The following OTUD7A variants were observed in gnomAD, a reference collection of about 807,000 sequenced individuals.
OTUD7A encodes the protein OTU domain-containing protein 7A.
In OTUD7A, 12 loss-of-function variants were observed where a neutral mutation model predicts 65.7. The ratio of observed to expected loss-of-function variants is 0.18; its 90% confidence interval spans 0.12 to 0.30. OTUD7A has a LOEUF of 0.30. OTUD7A is among the 10% of genes least tolerant of loss of function. OTUD7A has a pLI of 1.00. For synonymous variants in OTUD7A, 641 were observed against 586.3 expected (o/e 1.09, Z -1.35); for missense variants, 1,148 against 1,304.8 (o/e 0.88, Z 1.85).
Position 31,721,952 on chromosome 15 carries a change from T to C in OTUD7A, c.-99-64875A>G, listed in dbSNP as rs1446322410. Among the ~76,000 whole-genome samples the C allele has an allele frequency of 8.5e-5, 13 of 152,194 alleles. No individual in the cohort carries two copies. The East Asian group carries it at 2.5e-3, about 29-fold the overall frequency. ...CATCTGGCTCGAAGTCGGTGCTCAA[T>C]AAAACTCTGCTGCCTGCCTGCCTGA... On this transcript the variant is annotated intron_variant, in intron 1 of 12. Coordinates refer to ENST00000307050, the MANE Select transcript of OTUD7A (RefSeq NM_001382637.1).
intron 4 of OTUD7A, among the ~76,000 whole-genome samples, chr15:31,559,958 C>A (rs1287872432): frequency 6.6e-6 from 1 of 152,212 alleles, no homozygotes; most frequent in African/African-American, 2.4e-5. Flanking sequence ...GTATGTGGCA[C>A]TTATTCACAA....
chr15:31,623,742 G>T (rs1218740681), intron 3 of OTUD7A, among the ~76,000 whole-genome samples: 1 of 152,178 alleles, frequency 6.6e-6, no homozygotes, highest in Admixed American at 6.5e-5. Flanking sequence ...CCATGCTTCG[G>T]CTCATGCTCG....
chr15:31,647,257 T>C (rs1891703889), intron 3 of OTUD7A, among the ~76,000 whole-genome samples: 1 of 152,192 alleles, frequency 6.6e-6, no homozygotes, highest in Non-Finnish European at 1.5e-5. Context: ...TTTGTTCCCA[T>C]TCAAGGGTGT....
At chr15:31,869,120 A>T (rs1045265510) in intron 1 of OTUD7A, among the ~76,000 whole-genome samples, 2 of 152,260 alleles carry the variant, frequency 1.3e-5, no homozygotes, top group Non-Finnish European at 2.9e-5. Context: ...TTTTGTTCCC[A>T]TAAGAATTGG....
chr15:31,630,811 T>C (rs1891122931), intron 3 of OTUD7A, among the ~76,000 whole-genome samples: 1 of 152,282 alleles, frequency 6.6e-6, no homozygotes, highest in Non-Finnish European at 1.5e-5. Context: ...TTAGCTCTTC[T>C]TGTTGAATTG....
intron 8 of OTUD7A, among the ~76,000 whole-genome samples, chr15:31,509,639 TTA>T (rs1232351299): frequency 2.6e-5 from 4 of 152,126 alleles, no homozygotes; most frequent in African/African-American, 2.4e-5. Flanking sequence ...ATTCATATTT[TTA>T]TGTCTTTTTG....
intron 8 of OTUD7A, among the ~76,000 whole-genome samples, chr15:31,522,729 C>G (rs914692109): frequency 8.5e-5 from 13 of 152,156 alleles, no homozygotes; most frequent in Admixed American, 7.2e-4. Flanking sequence ...GGTTCTTCCA[C>G]GTGGCCGGGG....
chr15:31,862,621 G>A (rs1258750676), intron 1 of OTUD7A, among the ~76,000 whole-genome samples: 5 of 151,996 alleles, frequency 3.3e-5, no homozygotes, highest in African/African-American at 9.7e-5. Context: ...TTATTATCAC[G>A]AGAATAGAAC....
chr15:31,660,504 A>T (rs1383307899), intron 1 of OTUD7A, among the ~76,000 whole-genome samples: 1 of 152,248 alleles, frequency 6.6e-6, no homozygotes, highest in East Asian at 1.9e-4. Context: ...TCTGCCAAAC[A>T]TTCATATGCG....
intron 1 of OTUD7A, among the ~76,000 whole-genome samples, chr15:31,659,366 T>C (rs546398891): frequency 1.3e-5 from 2 of 152,076 alleles, no homozygotes; most frequent in African/African-American, 4.8e-5. Flanking sequence ...AGAGCTGGGA[T>C]CCACTTCATC....
At chr15:31,826,441 C>T (rs1567042937) in intron 1 of OTUD7A, among the ~76,000 whole-genome samples, 3 of 152,328 alleles carry the variant, frequency 2.0e-5, no homozygotes, top group Non-Finnish European at 2.9e-5. Context: ...GGCACCAAGT[C>T]GCTAGGCTGG....
chr15:31,599,920 A>G (rs1890025001), intron 3 of OTUD7A, among the ~76,000 whole-genome samples: 2 of 152,214 alleles, frequency 1.3e-5, no homozygotes, highest in South Asian at 4.1e-4. Flanking sequence ...AATGAAATAA[A>G]GCAAGAAGAC....
chr15:31,555,011 G>C (rs1888444693), intron 5 of OTUD7A, among the ~76,000 whole-genome samples: 1 of 152,146 alleles, frequency 6.6e-6, no homozygotes, highest in Admixed American at 6.5e-5. Flanking sequence ...CAGATCTGTG[G>C]GTTTTATGGG....
At chr15:31,746,878 G>A (rs1002019579) in intron 1 of OTUD7A, among the ~76,000 whole-genome samples, 1 of 152,190 alleles carries the variant, frequency 6.6e-6, no homozygotes, top group African/African-American at 2.4e-5. Flanking sequence ...GTATTAACTG[G>A]AACAGGGCAC....
chr15:31,745,843 C>T (rs911183632), intron 1 of OTUD7A, among the ~76,000 whole-genome samples: 6 of 151,974 alleles, frequency 3.9e-5, no homozygotes, highest in Admixed American at 3.9e-4. Flanking sequence ...AATGAAAAGG[C>T]AGATTATCCA....
intron 3 of OTUD7A, among the ~76,000 whole-genome samples, chr15:31,592,906 TA>T (rs1566935023): frequency 2.3e-5 from 1 of 43,070 alleles, no homozygotes; most frequent in African/African-American, 1.2e-4. Flanking sequence ...AAAAAAAAAA[TA>T]TATATATATA....
intron 4 of OTUD7A, among the ~76,000 whole-genome samples, chr15:31,565,832 C>A (rs917819937): frequency 9.9e-5 from 15 of 152,142 alleles, no homozygotes; most frequent in Admixed American, 1.3e-4. Flanking sequence ...AAACCAGATT[C>A]TTTGCTATTT....
intron 1 of OTUD7A, among the ~76,000 whole-genome samples, chr15:31,736,069 G>C (rs1165833693): frequency 5.3e-5 from 8 of 152,186 alleles, no homozygotes; most frequent in Admixed American, 5.2e-4. Context: ...GGAGGGCAGA[G>C]GGTGGGAGGA....
intron 1 of OTUD7A, among the ~76,000 whole-genome samples, chr15:31,749,615 A>AGCTG (rs1202327112): frequency 2.6e-5 from 4 of 152,212 alleles, no homozygotes; most frequent in Non-Finnish European, 5.9e-5. Context: ...AATGGGCAAA[A>AGCTG]GCTGGAAGCA....
Sources: gnomAD v4.1 joint callset for allele counts (sites outside exome capture counted in the v4.1 genomes callset) on GRCh38, gnomAD v4.1.1 for gene constraint, MANE v1.5 for transcripts, NCBI Gene and HGNC (gene_info 2026-07-23, HGNC 2026-07-21) for gene names.